The following KLF15 variants were observed in gnomAD, a reference collection of about 807,000 sequenced individuals.
The protein encoded by KLF15 is Krueppel-like factor 15.
A neutral mutation model predicts 24.6 loss-of-function variants in KLF15; 4 were observed. The observed-to-expected ratio is 0.16, with a 90% CI of 0.08 to 0.37. KLF15 has a LOEUF of 0.37. Ranked by LOEUF, KLF15 falls within the 10% of genes least tolerant of loss-of-function variation. KLF15 has a pLI of 1.00. For synonymous variants in KLF15, 246 were observed against 236.3 expected (o/e 1.04, Z -0.37); for missense variants, 496 against 560.6 (o/e 0.88, Z 1.16).
At chr3:126,331,632 G>C in the KLF15 span, among the ~76,000 whole-genome samples, 1 of 152,300 alleles carries the variant, frequency 6.6e-6, no homozygotes, top group South Asian at 2.1e-4. Context: ...GGCCGAATAG[G>C]AACAGCTCCG....
At chr3:126,299,447 C>A in the KLF15 span, among the ~76,000 whole-genome samples, 1 of 151,862 alleles carries the variant, frequency 6.6e-6, no homozygotes, top group Non-Finnish European at 1.5e-5. Context: ...GACTGTTGTA[C>A]TCATAAAAAG....
the KLF15 span, among the ~76,000 whole-genome samples, chr3:126,326,596 C>G: frequency 3.3e-5 from 5 of 152,158 alleles, no homozygotes; most frequent in African/African-American, 9.7e-5. Flanking sequence ...TCATGGAGCA[C>G]GTTGGAGTGC....
chr3:126,341,821 T>C (rs545085793), downstream of KLF15, among the ~76,000 whole-genome samples: 3 of 152,098 alleles, frequency 2.0e-5, no homozygotes, highest in South Asian at 6.2e-4. Flanking sequence ...AAGCAAAGGA[T>C]CCTTCTAGAA....
the KLF15 span, among the ~76,000 whole-genome samples, chr3:126,323,430 T>C: frequency 4.1e-4 from 20 of 48,426 alleles, no homozygotes; most frequent in Admixed American, 4.8e-3. Context: ...TATATATATA[T>C]ATATAACATA....
chr3:126,343,490 G>C lies in KLF15; in HGVS notation c.*237C>G. Reference sequence around the variant, plus strand: ...GGCACGAAGGCACGAAGGCACGAAGGCCTGCCTCCAGCCCCGTGCGCCTGG... The same window carrying C: ...GGCACGAAGGCACGAAGGCACGAAGCCCTGCCTCCAGCCCCGTGCGCCTGG... On this transcript the variant is annotated 3_prime_UTR_variant, in exon 3 of 3. Coordinates refer to ENST00000296233, the MANE Select transcript of KLF15 (RefSeq NM_014079.4). 2.0e-6 allele frequency: 1 copy of C among 494,266 alleles called. No homozygotes were observed. The highest frequency in any genetic ancestry group is 3.9e-5 in the East Asian group (1 of 25,926). 30.6% of individuals were successfully genotyped at this position (494,266 alleles called of 1,614,324 possible).
chr3:126,306,450 G>T, the KLF15 span, among the ~76,000 whole-genome samples: 5 of 152,328 alleles, frequency 3.3e-5, no homozygotes, highest in East Asian at 9.7e-4. Flanking sequence ...ATGTTGGCTG[G>T]TTGAACCTCA....
chr3:126,295,494 T>C, the KLF15 span, among the ~76,000 whole-genome samples: 1 of 152,176 alleles, frequency 6.6e-6, no homozygotes, highest in South Asian at 2.1e-4. Context: ...CAACTCAGGA[T>C]ACAAAGTATG....
the KLF15 span, among the ~76,000 whole-genome samples, chr3:126,333,660 C>T: frequency 6.7e-6 from 1 of 149,318 alleles, no homozygotes; most frequent in Non-Finnish European, 1.5e-5. Context: ...CATCAGTGTG[C>T]TGTATTAAGG....
At chr3:126,315,578 G>C in the KLF15 span, among the ~76,000 whole-genome samples, 1 of 152,178 alleles carries the variant, frequency 6.6e-6, no homozygotes, top group African/African-American at 2.4e-5. Context: ...GAGAGCGGGA[G>C]GGGAGGGATA....
At chr3:126,289,562 GT>G in the KLF15 span, among the ~76,000 whole-genome samples, 4 of 152,148 alleles carry the variant, frequency 2.6e-5, no homozygotes, top group Admixed American at 2.6e-4. Flanking sequence ...AACTTCACTA[GT>G]AATAAAGGAA....
chr3:126,314,518 C>G, the KLF15 span, among the ~76,000 whole-genome samples: 2 of 152,176 alleles, frequency 1.3e-5, no homozygotes, highest in African/African-American at 2.4e-5. Flanking sequence ...GGGACCCACA[C>G]GTGTTCCCAG....
At chr3:126,305,378 T>G in the KLF15 span, among the ~76,000 whole-genome samples, 1 of 152,184 alleles carries the variant, frequency 6.6e-6, no homozygotes. Flanking sequence ...CCTTTCATGA[T>G]TACGTTCTGA....
At chr3:126,292,476 G>A in the KLF15 span, among the ~76,000 whole-genome samples, 1 of 152,220 alleles carries the variant, frequency 6.6e-6, no homozygotes, top group Non-Finnish European at 1.5e-5. Flanking sequence ...ATTAACTTAA[G>A]GAGTGTCTAT....
the KLF15 span, among the ~76,000 whole-genome samples, chr3:126,312,281 C>T: frequency 6.6e-6 from 1 of 152,182 alleles, no homozygotes; most frequent in Non-Finnish European, 1.5e-5. Context: ...TCAAGGGATC[C>T]TCCCACTTCA....
At position 126,352,792 on chromosome 3, in the gene KLF15, C is replaced by T; in HGVS notation, c.131G>A (p.Ser44Asn). The T allele has an allele frequency of 1.3e-6, 2 of 1,587,564 alleles. No individual in the cohort carries two copies. Among genetic ancestry groups the T allele is most frequent in the East Asian group, 2.3e-5 (1 of 43,398 alleles). ...ACAGGAGCAGGGGCTGGAGGCATCG[C>T]TGTCATCTTCAGAGACGGGTGAGGG... ...MLPSPVSEDD[S>N]DASSPCSCSS... Residue 44 changes from serine to asparagine, a missense_variant, in exon 2 of 3, where the codon AGC becomes AAC. Transcript: ENST00000296233.
the KLF15 span, among the ~76,000 whole-genome samples, chr3:126,313,837 A>G: frequency 6.6e-6 from 1 of 152,162 alleles, no homozygotes; most frequent in Non-Finnish European, 1.5e-5. Flanking sequence ...TGGTCCTTAC[A>G]CTGGGGCACG....
chr3:126,290,160 A>C, the KLF15 span, among the ~76,000 whole-genome samples: 1 of 151,892 alleles, frequency 6.6e-6, no homozygotes, highest in Non-Finnish European at 1.5e-5. Context: ...CTTTTGGCGG[A>C]GGGAGTAGGG....
At chr3:126,335,989 G>A in the KLF15 span, among the ~76,000 whole-genome samples, 1 of 146,530 alleles carries the variant, frequency 6.8e-6, no homozygotes, top group African/African-American at 2.6e-5. Context: ...CGTGAAAATG[G>A]CCATACTGCC....
rs1362525067 is a variant in KLF15 at position 126,352,790 on chromosome 3, C to T, written c.133G>A (p.Asp45Asn). The T allele has an allele frequency of 3.2e-6, 5 of 1,584,604 alleles. No homozygotes were observed. The highest frequency in any genetic ancestry group is 1.3e-5 in the African/African-American group (1 of 74,268). ...GAACAGGAGCAGGGGCTGGAGGCATCGCTGTCATCTTCAGAGACGGGTGAG... is the reference window on the plus strand; with the variant it reads ...GAACAGGAGCAGGGGCTGGAGGCATTGCTGTCATCTTCAGAGACGGGTGAG... ...LPSPVSEDDS[D>N]ASSPCSCSSP... Residue 45 changes from aspartate (D) to asparagine (N), a missense_variant, in exon 2 of 3, where the codon GAT becomes AAT. Transcript: ENST00000296233.
Sources: gnomAD v4.1 joint callset for allele counts (sites outside exome capture counted in the v4.1 genomes callset) on GRCh38, gnomAD v4.1.1 for gene constraint, MANE v1.5 for transcripts, NCBI Gene and HGNC (gene_info 2026-07-23, HGNC 2026-07-21) for gene names.